VPS11: variants seen among roughly 807,000 people sequenced by gnomAD.
VPS11 encodes the protein VPS11 core subunit of CORVET and HOPS complexes.
Under a neutral mutation model 106.8 loss-of-function variants are expected in VPS11, and 51 were observed. The observed-to-expected ratio is 0.48, with a 90% confidence interval of 0.38 to 0.60. The LOEUF is 0.60. Ranked by LOEUF, VPS11 falls within the 20% of genes least tolerant of loss-of-function variation. The probability of loss-of-function intolerance (pLI) is 0.00; values close to 1 mark genes in which losing one functional copy is unlikely to be tolerated. For missense variants in VPS11, 950 were observed against 1,190.0 expected, an observed-to-expected ratio of 0.80 and a Z score of 2.97; for synonymous variants, 453 against 458.7, an observed-to-expected ratio of 0.99 and a Z score of 0.16.
At chr11:119,071,545 T>G in intron 4 of VPS11, 51 bp from the exon 5 acceptor site, 1 of 1,598,700 alleles carries the variant, frequency 6.3e-7, no homozygotes. Context: ...TGTGAAGGCT[T>G]AGAGTTACCT....
At chr11:119,077,381 A>C (rs1218058894) in intron 8 of VPS11, 120 bp from the exon 9 acceptor site, 1 of 1,373,712 alleles carries the variant, frequency 7.3e-7, no homozygotes, top group Admixed American at 2.4e-5. Flanking sequence ...GAGTAGCATA[A>C]TATTTTCAAA....
chr11:119,071,947 T>C, intron 5 of VPS11, 104 bp downstream of exon 5: 2 of 1,413,064 alleles, frequency 1.4e-6, no homozygotes, highest in Non-Finnish European at 1.9e-6. Flanking sequence ...CTCCTACTCC[T>C]ACTCCGGTGT....
intron 7 of VPS11, 25 bp downstream of exon 7, chr11:119,073,976 A>G: frequency 6.3e-7 from 1 of 1,589,974 alleles, no homozygotes; most frequent in Non-Finnish European, 8.6e-7. Flanking sequence ...ACTTTGGGAT[A>G]TAGCTGTGAA....
intron 11 of VPS11, 105 bp from the exon 12 acceptor site, chr11:119,078,460 C>A: frequency 1.3e-6 from 2 of 1,572,660 alleles, no homozygotes; most frequent in South Asian, 2.3e-5. Flanking sequence ...CAATGGTCCT[C>A]TGTGAAGAGG....
In VPS11 at chr11:119,070,629, C is replaced by G. The variant is rs182914178; in HGVS notation, c.636+232C>G. The G allele has an allele frequency of 1.4e-3, 417 of 296,730 alleles. 4 individuals carry two copies. The East Asian group carries it at 0.018, about 13-fold the overall frequency. The allele number at this position is 296,730 out of a possible 1,614,324, so 18.4% of individuals were successfully genotyped here. On this transcript the variant is annotated intron_variant, in intron 4 of 15. Coordinates refer to ENST00000621676, the MANE Select transcript of VPS11 (RefSeq NM_021729.6). ...TTTCTTTCTTTTTTTTTTTTGAGAC[C>G]GAGTCTCACTGTGTTGCTCAGGCTG...
chr11:119,081,850 G>C lies in VPS11; in HGVS notation c.*227G>C, dbSNP rs2134817000. 1.7e-6 allele frequency: 1 copy of C among 579,730 alleles called. No individual in the cohort carries two copies. Among genetic ancestry groups the C allele is most frequent in the South Asian group, 2.4e-5 (1 of 41,648 alleles). 35.9% of individuals were successfully genotyped at this position (579,730 alleles called of 1,614,324 possible). ...TGTAGATCATTCCAGATCAGTGGGG[G>C]AGGGCACCTCAGCAACCTCTGAGTG... On this transcript the variant is annotated 3_prime_UTR_variant, in exon 16 of 16. Coordinates refer to ENST00000621676, the MANE Select transcript of VPS11 (RefSeq NM_021729.6).
In VPS11 at chr11:119,070,335, T is replaced by C. The variant is rs782067451; in HGVS notation, c.574T>C (p.Leu192=). 1 of 1,613,456 alleles carries C rather than the reference T, an allele frequency of 6.2e-7. No individual in the cohort carries two copies. The highest frequency in any genetic ancestry group is 8.5e-7 in the Non-Finnish European group (1 of 1,179,624). The change falls in exon 4 of 16, where the codon TTG becomes CTG. Residue 192 remains leucine (L), a synonymous_variant. Coordinates refer to ENST00000621676, the MANE Select transcript of VPS11 (RefSeq NM_021729.6). ...LHKGNYPVTG[L]AFRQAGKTTH... is the part of the protein sequence containing the mutation. ...CAAGGGCAACTATCCTGTAACTGGA[T>C]TGGCCTTTCGCCAAGCAGGAAAGAC...
rs1226257858 is a variant in VPS11, at chr11:119,078,811, C to G, written c.2080C>G (p.His694Asp). The G allele has an allele frequency of 1.9e-6, 3 of 1,613,522 alleles. No individual in the cohort carries two copies. In the South Asian group the frequency reaches 3.3e-5, roughly 18 times the overall value. Residue 694 changes from histidine to aspartate, a missense_variant, in exon 13 of 16, where the codon CAC becomes GAC. Transcript: ENST00000621676. ...CGGCCGCAGGTTCCAGCAGATCATG[C>G]ACTACCACATGCAGCACGAGCAGTA... ...EQGKLFQQIMHYHMQHEQYRQ... is the reference protein window; with the variant it reads ...EQGKLFQQIMDYHMQHEQYRQ...
Position 119,070,321 on chromosome 11 carries a change from A to C in VPS11, c.560A>C (p.Tyr187Ser), listed in dbSNP as rs368583640. The change falls in exon 4 of 16, where the codon TAT becomes TCT. Residue 187 changes from tyrosine (Y) to serine (S), a missense_variant. Physicochemically the swap from Tyr to Ser is moderately radical, Grantham distance 144. Transcript: ENST00000621676. Reference sequence around the variant, plus strand: ...ACCCAGATTTTGCACAAGGGCAACTATCCTGTAACTGGATTGGCCTTTCGC... The same window carrying C: ...ACCCAGATTTTGCACAAGGGCAACTCTCCTGTAACTGGATTGGCCTTTCGC... ...SKTQILHKGN[Y>S]PVTGLAFRQA... 3.7e-6 allele frequency: 6 copies of C among 1,613,304 alleles called. No individual in the cohort carries two copies. The highest frequency in any genetic ancestry group is 5.1e-6 in the Non-Finnish European group (6 of 1,179,646).
chr11:119,070,609 T>TGC, intron 4 of VPS11: 1 of 279,720 alleles, frequency 3.6e-6, no homozygotes, highest in East Asian at 5.2e-5. Flanking sequence ...TGAATTTTCT[T>TGC]TCTTTTTTTT....
chr11:119,072,170 T>C, intron 5 of VPS11: 1 of 263,868 alleles, frequency 3.8e-6, no homozygotes, highest in South Asian at 4.4e-5. Flanking sequence ...TTCACCATGT[T>C]GGCCAGGCTG....
chr11:119,074,193 T>G (rs1315025261), intron 7 of VPS11, among the ~76,000 whole-genome samples: 1 of 152,112 alleles, frequency 6.6e-6, no homozygotes, highest in African/African-American at 2.4e-5. Flanking sequence ...CACATGATTC[T>G]CCTGCTTCAG....
chr11:119,072,916 A>G, intron 5 of VPS11: 1 of 431,302 alleles, frequency 2.3e-6, no homozygotes, highest in South Asian at 2.4e-5. Flanking sequence ...TGTTTTACAT[A>G]TACCATGTAT....
intron 1 of VPS11, chr11:119,068,289 A>G (rs189525854): frequency 5.0e-4 from 202 of 404,196 alleles, no homozygotes; most frequent in Non-Finnish European, 7.0e-4. Context: ...TTTGAGATCA[A>G]TAAGAAAAAG....
rs1385249488 is a variant in VPS11 at position 119,079,688 on chromosome 11, G to A, written c.2438+388G>A. 2.6e-5 allele frequency among the ~76,000 whole-genome samples: 4 copies of A among 152,088 alleles called. No individual in the cohort carries two copies. The East Asian group carries it at 5.8e-4, about 22-fold the overall frequency. Reference sequence around the variant, plus strand: ...TCTCCTGGGCTCAAGTGATTCTCCCGCCTCAGCCTCCCAAGTAGCTGGGAT... The same window carrying A: ...TCTCCTGGGCTCAAGTGATTCTCCCACCTCAGCCTCCCAAGTAGCTGGGAT... On this transcript the variant is annotated intron_variant, in intron 14 of 15. Coordinates refer to ENST00000621676, the MANE Select transcript of VPS11 (RefSeq NM_021729.6).
At chr11:119,069,119 C>T (rs1945266534) in intron 1 of VPS11, 77 bp from the exon 2 acceptor site, 1 of 1,551,850 alleles carries the variant, frequency 6.4e-7, no homozygotes, top group Non-Finnish European at 8.7e-7. Context: ...GAGTTATATA[C>T]ATGTAATTGT....
chr11:119,073,550 C>G, intron 6 of VPS11, 151 bp downstream of exon 6: 1 of 1,065,020 alleles, frequency 9.4e-7, no homozygotes, highest in Non-Finnish European at 1.3e-6. Context: ...GGTAAATGGC[C>G]TGGGATGGGG....
chr11:119,074,071 G>T, intron 7 of VPS11, 120 bp downstream of exon 7: 2 of 1,286,362 alleles, frequency 1.6e-6, no homozygotes, highest in South Asian at 1.7e-5. Flanking sequence ...TTTTGTTTTT[G>T]GTTTTTTGTT....
rs962317686 is a variant in VPS11 at position 119,078,434 on chromosome 11, A to G, written c.1923+100A>G. On this transcript the variant is annotated intron_variant, in intron 11 of 15. Transcript: ENST00000621676. ...TCACTGCATTCCTTAGACCAGTAAC[A>G]CCTTACCTCGGGGCTCAATGGTCCT... is the stretch of plus-strand genomic sequence containing the variant. 1.9e-6 allele frequency: 3 copies of G among 1,569,234 alleles called. No individual in the cohort carries two copies. The African/African-American group carries it at 4.1e-5, about 21-fold the overall frequency.
Sources: allele counts gnomAD v4.1 joint callset (sites outside exome capture counted in the v4.1 genomes callset), GRCh38; gene constraint gnomAD v4.1.1; transcripts MANE v1.5; gene names NCBI Gene and HGNC (gene_info 2026-07-23, HGNC 2026-07-21).